Variants in NXPE2 observed in about 807,000 individuals in gnomAD.
NXPE2 encodes NXPE family member 2.
Under a neutral mutation model 34.4 loss-of-function variants are expected in NXPE2, and 34 were observed. The ratio of observed to expected loss-of-function variants is 0.99; its 90% CI spans 0.75 to 1.31. The LOEUF is 1.31. Among genes scored for constraint, NXPE2 ranks in the 40% most tolerant of loss-of-function variants. NXPE2 has a pLI of 0.00. For missense variants in NXPE2, 649 were observed against 672.5 expected, an observed-to-expected ratio of 0.97 and a Z score of 0.39; for synonymous variants, 235 against 231.3, an observed-to-expected ratio of 1.02 and a Z score of -0.15.
the NXPE2 span, among the ~76,000 whole-genome samples, chr11:114,488,712 T>C: frequency 6.6e-6 from 1 of 152,198 alleles, no homozygotes; most frequent in Non-Finnish European, 1.5e-5. Flanking sequence ...CAAAGCAATG[T>C]GTAGAGGGAA....
At chr11:114,734,117 T>A in the NXPE2 span, among the ~76,000 whole-genome samples, 802 of 152,322 alleles carry the variant, frequency 5.3e-3, 4 homozygotes, top group African/African-American at 0.019. Flanking sequence ...ATAGAACTTA[T>A]CTTTTAAAAA....
chr11:114,608,157 C>T, the NXPE2 span, among the ~76,000 whole-genome samples: 1 of 151,772 alleles, frequency 6.6e-6, no homozygotes, highest in Admixed American at 6.6e-5. Flanking sequence ...ACCAGAGTTA[C>T]CCTGTGGATA....
the NXPE2 span, among the ~76,000 whole-genome samples, chr11:114,747,022 T>C: frequency 6.6e-6 from 1 of 152,190 alleles, no homozygotes; most frequent in African/African-American, 2.4e-5. Flanking sequence ...TCTCTTTGGC[T>C]AATTTGTAGT....
At chr11:114,715,884 C>G in the NXPE2 span, among the ~76,000 whole-genome samples, 1 of 152,098 alleles carries the variant, frequency 6.6e-6, no homozygotes, top group African/African-American at 2.4e-5. Flanking sequence ...GCCTGTGTAC[C>G]ACAACCACCT....
chr11:114,779,005 C>A, the NXPE2 span, among the ~76,000 whole-genome samples: 2 of 152,178 alleles, frequency 1.3e-5, no homozygotes, highest in African/African-American at 4.8e-5. Flanking sequence ...ACGAGCAGGC[C>A]TGTCCACACT....
the NXPE2 span, among the ~76,000 whole-genome samples, chr11:114,799,898 C>T: frequency 6.6e-6 from 1 of 151,784 alleles, no homozygotes; most frequent in Admixed American, 6.6e-5. Context: ...TTCTCTTTCT[C>T]TTTATCCTTC....
chr11:114,598,285 T>G, the NXPE2 span, among the ~76,000 whole-genome samples: 7 of 20,990 alleles, frequency 3.3e-4, no homozygotes, highest in Non-Finnish European at 7.0e-4. Flanking sequence ...TCTGCCCCTG[T>G]GGCTTTGTGT....
the NXPE2 span, chr11:114,581,841 T>C: frequency 8.4e-7 from 1 of 1,190,408 alleles, no homozygotes; most frequent in Non-Finnish European, 1.2e-6. Flanking sequence ...TCAGGAAACA[T>C]ACAGAAACTA....
the NXPE2 span, among the ~76,000 whole-genome samples, chr11:114,792,002 G>A: frequency 1.0e-3 from 153 of 152,300 alleles, no homozygotes; most frequent in African/African-American, 3.6e-3. Flanking sequence ...AGCTTGCAGT[G>A]AGCCGAGATC....
At chr11:114,704,788 C>T (rs1481326758) in intron 4 of NXPE2, among the ~76,000 whole-genome samples, 2 of 152,286 alleles carry the variant, frequency 1.3e-5, no homozygotes, top group East Asian at 3.9e-4. Context: ...ATGAAGAAGA[C>T]AGATCCCTTC....
At chr11:114,750,902 A>G in the NXPE2 span, among the ~76,000 whole-genome samples, 108 of 152,322 alleles carry the variant, frequency 7.1e-4, no homozygotes, top group African/African-American at 9.1e-4. Flanking sequence ...ATGTTTTGAT[A>G]GCAAATGATT....
the NXPE2 span, among the ~76,000 whole-genome samples, chr11:114,617,610 C>T: frequency 6.6e-6 from 1 of 152,002 alleles, no homozygotes; most frequent in Non-Finnish European, 1.5e-5. Context: ...ATAAGTGTTG[C>T]CTTTAGGGTA....
At chr11:114,534,621 A>T in the NXPE2 span, among the ~76,000 whole-genome samples, 8 of 152,258 alleles carry the variant, frequency 5.3e-5, no homozygotes, top group Admixed American at 4.6e-4. Context: ...CCACAGCACG[A>T]GAGCTACGTG....
At chr11:114,477,497 C>A in the NXPE2 span, among the ~76,000 whole-genome samples, 1 of 151,712 alleles carries the variant, frequency 6.6e-6, no homozygotes, top group Non-Finnish European at 1.5e-5. Context: ...GCAGGTATAC[C>A]TTAATAAAAT....
chr11:114,601,789 G>GTAATATA, the NXPE2 span, among the ~76,000 whole-genome samples: 46 of 64,238 alleles, frequency 7.2e-4, 4 homozygotes, highest in Non-Finnish European at 1.0e-3. Context: ...TATATAACAT[G>GTAATATA]TGATATATGA....
the NXPE2 span, chr11:114,582,374 G>A: frequency 2.5e-6 from 4 of 1,614,116 alleles, no homozygotes; most frequent in Admixed American, 1.7e-5. Context: ...CACAGGGCAT[G>A]TGTTGAGGCC....
At chr11:114,788,023 A>T in the NXPE2 span, among the ~76,000 whole-genome samples, 12 of 151,998 alleles carry the variant, frequency 7.9e-5, no homozygotes, top group Non-Finnish European at 1.5e-4. Flanking sequence ...ATTCAGAGTA[A>T]GGGGCTAGGC....
chr11:114,536,035 A>G, the NXPE2 span, among the ~76,000 whole-genome samples: 1 of 152,214 alleles, frequency 6.6e-6, no homozygotes, highest in Non-Finnish European at 1.5e-5. Context: ...GTTGGAAGTA[A>G]AGCACTCCTC....
the NXPE2 span, among the ~76,000 whole-genome samples, chr11:114,545,895 T>A: frequency 6.6e-6 from 1 of 152,074 alleles, no homozygotes; most frequent in Non-Finnish European, 1.5e-5. Flanking sequence ...GTCACCATGT[T>A]GGCCAGGATG....
Sources: allele counts gnomAD v4.1 joint callset (sites outside exome capture counted in the v4.1 genomes callset), GRCh38; gene constraint gnomAD v4.1.1; transcripts MANE v1.5; gene names NCBI Gene and HGNC (gene_info 2026-07-23, HGNC 2026-07-21).